CD36: variants seen among roughly 807,000 people sequenced by gnomAD.
CD36 encodes the protein CD36 molecule (CD36 blood group).
A neutral mutation model predicts 55.2 loss-of-function variants in CD36; 119 were observed. That is an observed-to-expected ratio of 2.15 (90% CI 1.86 to 2.51). The LOEUF (loss-of-function observed/expected upper bound fraction) is 2.51. Ranked by LOEUF, CD36 falls within the 30% of genes most tolerant of loss-of-function variation. The pLI is 0.00. For missense variants in CD36, 819 were observed against 555.5 expected (o/e 1.47, Z -4.77); for synonymous variants, 186 against 193.6 (o/e 0.96, Z 0.33).
chr7:80,662,966 T>TACAA, intron 5 of CD36, 24 bp from the exon 6 acceptor site: 1 of 1,580,278 alleles, frequency 6.3e-7, no homozygotes, highest in Non-Finnish European at 8.7e-7. Flanking sequence ...ATTCTTGTCT[T>TACAA]AAACAGTGAC....
upstream of CD36, among the ~76,000 whole-genome samples, chr7:80,637,682 A>G (rs1584341146): frequency 6.6e-6 from 1 of 152,018 alleles, no homozygotes; most frequent in East Asian, 1.9e-4. Context: ...TTTAAATATG[A>G]CCTAATGAAC....
intron 7 of CD36, among the ~76,000 whole-genome samples, chr7:80,664,704 C>A (rs1159466628): frequency 6.6e-6 from 1 of 152,112 alleles, no homozygotes; most frequent in Non-Finnish European, 1.5e-5. Flanking sequence ...TGCTGACTAT[C>A]AGCTCCACTT....
chr7:80,649,186 T>C (rs1053794232), intron 3 of CD36, among the ~76,000 whole-genome samples: 1 of 152,124 alleles, frequency 6.6e-6, no homozygotes, highest in Admixed American at 6.6e-5. Flanking sequence ...GCTGTTATTT[T>C]ACTCATCTTA....
intron 13 of CD36, 93 bp from the exon 14 acceptor site, chr7:80,673,890 A>G (rs1479984449): frequency 1.1e-6 from 1 of 889,582 alleles, no homozygotes; most frequent in Non-Finnish European, 1.8e-6. Context: ...TAACACCAAT[A>G]GAGGTGTTAG....
rs758134461 is a variant in CD36 at position 80,661,187 on chromosome 7, ACAGTTCT to A, written c.409_415del (p.Val137IlefsTer18). On this transcript the variant is annotated frameshift_variant, in exon 5 of 15. Transcript: ENST00000447544. LOFTEE classifies it high-confidence loss of function. ...AGTTGGAACAGAGGCTGACAACTTC[ACAGTTCT>A]CAATCTGGCTGTGGCAGTGAGTAGA... 3.7e-6 allele frequency: 6 copies of A among 1,613,888 alleles called. No homozygotes were observed. In the African/African-American group the frequency reaches 8.0e-5, roughly 22 times the overall value.
At chr7:80,657,440 T>C (rs888437090) in intron 4 of CD36, among the ~76,000 whole-genome samples, 6 of 152,236 alleles carry the variant, frequency 3.9e-5, no homozygotes, top group Non-Finnish European at 4.4e-5. Context: ...TTTATATCTT[T>C]CCTCTGCCTT....
Position 80,678,243 on chromosome 7 carries a change from G to A in CD36, c.*1860G>A, listed in dbSNP as rs866871073. 1.3e-5 allele frequency: 2 copies of A among 152,116 alleles called. No individual in the cohort carries two copies. Among genetic ancestry groups the A allele is most frequent in the South Asian group, 2.1e-4 (1 of 4,830 alleles). The allele number at this position is 152,116 out of a possible 1,614,324, so 9.4% of individuals were successfully genotyped here. ...TGGACACTTGCAATTGCTCATGGAT[G>A]AATTTATATGTTTTAGTCATAGAAA... On this transcript the variant is annotated 3_prime_UTR_variant, in exon 15 of 15. Coordinates refer to ENST00000447544, the MANE Select transcript of CD36 (RefSeq NM_001001548.3).
Position 80,659,206 on chromosome 7 carries a change from C to T in CD36, c.282-1857C>T, listed in dbSNP as rs17154225. ...TAGTGCATGTGTTGAGCTAAACATGCTTTTTCATAACTAATTATACCCTAA... is the reference window on the plus strand; with the variant it reads ...TAGTGCATGTGTTGAGCTAAACATGTTTTTTCATAACTAATTATACCCTAA... On this transcript the variant is annotated intron_variant, in intron 4 of 14. Coordinates refer to ENST00000447544, the MANE Select transcript of CD36 (RefSeq NM_001001548.3). Among the ~76,000 whole-genome samples the T allele has an allele frequency of 8.4e-3, 1,271 of 152,208 alleles. 55 individuals are homozygous for T. The East Asian group carries it at 0.1, about 12-fold the overall frequency.
chr7:80,639,653 A>T (rs1411536471), intron 1 of CD36, among the ~76,000 whole-genome samples: 2 of 151,998 alleles, frequency 1.3e-5, no homozygotes, highest in Admixed American at 1.3e-4. Context: ...ATTTGCATGT[A>T]CTTTTTAGTC....
At chr7:80,649,515 T>C (rs1480890328) in intron 3 of CD36, among the ~76,000 whole-genome samples, 1 of 151,478 alleles carries the variant, frequency 6.6e-6, no homozygotes, top group Non-Finnish European at 1.5e-5. Flanking sequence ...TGATAGATAA[T>C]AGGATGAAAT....
At position 80,672,015 on chromosome 7, in the gene CD36, A is replaced by T; in HGVS notation, c.1100A>T (p.His367Leu). 6.2e-7 allele frequency: 1 copy of T among 1,608,460 alleles called. No individual in the cohort carries two copies. Among genetic ancestry groups the T allele is most frequent in the Non-Finnish European group, 8.5e-7 (1 of 1,175,808 alleles). The change falls in exon 11 of 15, where the codon CAT becomes CTT. Residue 367 changes from histidine to leucine, a missense_variant. By Grantham distance (99) the His-to-Leu change is moderately conservative. Transcript: ENST00000447544. ...GGATTAAACCCAAATGAAGAAGAAC[A>T]TAGGACATACTTGGATATTGAACCT... Reference protein sequence around the residue: ...IDGLNPNEEEHRTYLDIEPIT... With the variant: ...IDGLNPNEEELRTYLDIEPIT...
chr7:80,635,151 G>A (rs1314391592), upstream of CD36, among the ~76,000 whole-genome samples: 2 of 152,058 alleles, frequency 1.3e-5, no homozygotes, highest in Non-Finnish European at 2.9e-5. Flanking sequence ...GAATACAATT[G>A]GGGATTGAGG....
At chr7:80,622,808 T>A (rs1482569469) in intron 1 of CD36, among the ~76,000 whole-genome samples, 2 of 152,228 alleles carry the variant, frequency 1.3e-5, no homozygotes, top group African/African-American at 2.4e-5. Context: ...GTCCTCTGTG[T>A]ATAAGCTGCA....
chr7:80,671,933 T>C lies in CD36; in HGVS notation c.1018T>C (p.Tyr340His), dbSNP rs1337237252. The change falls in exon 11 of 15, where the codon TAC becomes CAC. Residue 340 changes from tyrosine (Y) to histidine (H), a missense_variant. Tyr to His is a moderately conservative substitution (Grantham distance 83). Coordinates refer to ENST00000447544, the MANE Select transcript of CD36 (RefSeq NM_001001548.3). ...AAACTTGTCTTCAGGGAGACCTGTGTACATTTCACTTCCTCATTTTCTGTA... is the reference window on the plus strand; with the variant it reads ...AAACTTGTCTTCAGGGAGACCTGTGCACATTTCACTTCCTCATTTTCTGTA... ...ISKCKEGRPV[Y>H]ISLPHFLYAS... 6.2e-7 allele frequency: 1 copy of C among 1,611,374 alleles called. No individual in the cohort carries two copies. The highest frequency in any genetic ancestry group is 2.2e-5 in the East Asian group (1 of 44,680).
At chr7:80,670,511 C>A (rs549044909) in intron 9 of CD36, 1 of 216,350 alleles carries the variant, frequency 4.6e-6, no homozygotes, top group Non-Finnish European at 9.3e-6. Context: ...TCTTCATATA[C>A]GTGTATCTGG....
At chr7:80,604,915 A>T (rs867620121) in intron 1 of CD36, among the ~76,000 whole-genome samples, 2 of 152,130 alleles carry the variant, frequency 1.3e-5, no homozygotes, top group African/African-American at 4.8e-5. Context: ...TCTAATTGAA[A>T]TTCATTTGGA....
At chr7:80,612,594 A>G (rs915896173) in intron 1 of CD36, among the ~76,000 whole-genome samples, 1 of 152,202 alleles carries the variant, frequency 6.6e-6, no homozygotes, top group Admixed American at 6.5e-5. Context: ...TGGAACTTAT[A>G]TAAATGTGGT....
At position 80,663,175 on chromosome 7, in the gene CD36, T is replaced by A. The variant is rs1048378540; in HGVS notation, c.609+6T>A. 1 of 1,606,458 alleles carries A rather than the reference T, an allele frequency of 6.2e-7. No homozygotes were observed. The highest frequency in any genetic ancestry group is 8.5e-7 in the Non-Finnish European group (1 of 1,173,140). On this transcript the variant is annotated splice_donor_region_variant and intron_variant, in intron 6 of 14. Transcript: ENST00000447544. The stretch of plus-strand genomic sequence containing the variant: ...CAGTTGGTCTGTTTTATCCTGTAAG[T>A]ACCAAATATGAATGGCAATATTATT...
intron 1 of CD36, among the ~76,000 whole-genome samples, chr7:80,639,499 A>G (rs1794670097): frequency 6.6e-6 from 1 of 151,980 alleles, no homozygotes; most frequent in Non-Finnish European, 1.5e-5. Flanking sequence ...TAAAGGAGAA[A>G]TCAATTTGGA....
Sources: allele counts gnomAD v4.1 joint callset (sites outside exome capture counted in the v4.1 genomes callset), GRCh38; gene constraint gnomAD v4.1.1; transcripts MANE v1.5; gene names NCBI Gene and HGNC (gene_info 2026-07-23, HGNC 2026-07-21).